The following GARS1 variants were observed in gnomAD, a reference collection of about 807,000 sequenced individuals.
GARS1 encodes glycine--tRNA ligase.
GARS1 carries 46 observed loss-of-function variants against 86.4 expected under a neutral mutation model. The observed-to-expected ratio is 0.53, with a 90% CI of 0.42 to 0.68. The LOEUF (loss-of-function observed/expected upper bound fraction) is 0.68. Ranked by LOEUF, GARS1 falls within the 30% of genes least tolerant of loss-of-function variation. GARS1 has a pLI of 0.00. For missense variants in GARS1, 797 were observed against 915.6 expected, an observed-to-expected ratio of 0.87 and a Z score of 1.67; for synonymous variants, 342 against 329.8, an observed-to-expected ratio of 1.04 and a Z score of -0.40.
At chr7:30,608,368 G>T (rs1791523513) in intron 6 of GARS1, among the ~76,000 whole-genome samples, 1 of 152,112 alleles carries the variant, frequency 6.6e-6, no homozygotes, top group Non-Finnish European at 1.5e-5. Context: ...AATTACCTGG[G>T]AAATAGATGT....
chr7:30,598,273 A>G (rs955321211), intron 1 of GARS1, among the ~76,000 whole-genome samples: 20 of 151,128 alleles, frequency 1.3e-4, no homozygotes, highest in Non-Finnish European at 2.9e-4. Flanking sequence ...GTGAGCAGTT[A>G]TTTGTTAACT....
intron 8 of GARS1, 95 bp downstream of exon 8, chr7:30,612,340 C>T (rs1782776911): frequency 1.8e-6 from 2 of 1,127,688 alleles, no homozygotes; most frequent in Non-Finnish European, 2.7e-6. Context: ...GCTTCATAAT[C>T]CTGATTATGA....
chr7:30,622,137 G>A (rs960593785), intron 11 of GARS1, 180 bp from the exon 12 acceptor site: 2 of 675,010 alleles, frequency 3.0e-6, no homozygotes, highest in Non-Finnish European at 5.2e-6. Flanking sequence ...TTTTGGATGA[G>A]AGTTGTCTGA....
chr7:30,599,907 C>G (rs1308151086), intron 2 of GARS1, 40 bp from the exon 3 acceptor site: 1 of 1,249,668 alleles, frequency 8.0e-7, no homozygotes, highest in South Asian at 1.2e-5. Flanking sequence ...GATTCCCACC[C>G]ACCCCTCCAC....
In GARS1 at chr7:30,632,325, C is replaced by CT; in HGVS notation, c.1983dup (p.Asp662Ter). ...TCAATCGGAAGGCGCTATGCCAGGA[C>CT]TGATGAGATTGGCGTGGCTTTTGGT... On this transcript the variant is annotated frameshift_variant, in exon 16 of 17. Transcript: ENST00000389266. LOFTEE classifies it high-confidence loss of function. This position sits in a 1 kb window ranked among gnomAD's most constrained non-coding sequence, Gnocchi z 4.1. The CT allele has an allele frequency of 6.2e-7, 1 of 1,614,188 alleles. No individual in the cohort carries two copies. Among genetic ancestry groups the CT allele is most frequent in the East Asian group, 2.2e-5 (1 of 44,882 alleles).
intron 12 of GARS1, among the ~76,000 whole-genome samples, chr7:30,623,796 G>A (rs1011018090): frequency 1.3e-5 from 2 of 152,168 alleles, no homozygotes; most frequent in Non-Finnish European, 1.5e-5. Flanking sequence ...AAAAACCAGG[G>A]ATGAAGAGAA....
intron 12 of GARS1, 25 bp from the exon 13 acceptor site, chr7:30,626,209 C>G (rs1783123706): frequency 6.7e-7 from 1 of 1,502,374 alleles, no homozygotes; most frequent in Admixed American, 1.7e-5. Flanking sequence ...TGAACTAATA[C>G]AAAATGTGTT....
intron 12 of GARS1, among the ~76,000 whole-genome samples, chr7:30,623,172 A>G (rs988474359): frequency 8.6e-5 from 13 of 151,776 alleles, no homozygotes; most frequent in African/African-American, 3.1e-4. Flanking sequence ...AGCACTGAAC[A>G]GTGTAAAACT....
chr7:30,603,987 C>A (rs1237374173), intron 6 of GARS1, among the ~76,000 whole-genome samples: 4 of 152,124 alleles, frequency 2.6e-5, no homozygotes, highest in Non-Finnish European at 5.9e-5. Context: ...ATTCTTAGAA[C>A]CTCATGAGCA....
At chr7:30,596,018 TTA>T in intron 1 of GARS1, 3 of 388,362 alleles carry the variant, frequency 7.7e-6, no homozygotes, top group South Asian at 5.9e-5. Context: ...AGTTTAGAAT[TTA>T]GAGATATCAA....
intron 13 of GARS1, 124 bp downstream of exon 13, chr7:30,626,443 T>C (rs1783129383): frequency 4.4e-6 from 3 of 684,658 alleles, no homozygotes; most frequent in East Asian, 5.7e-5. Flanking sequence ...CCTCCCCGGC[T>C]CAAGCGTTCC....
rs1783284502 is a variant in GARS1 at position 30,633,860 on chromosome 7, A to C, written c.2220A>C (p.Ter740CysextTer4). 2.6e-6 allele frequency: 4 copies of C among 1,545,560 alleles called. No homozygotes were observed. The highest frequency in any genetic ancestry group is 1.8e-6 in the Non-Finnish European group (2 of 1,137,820). ...GTAAAAAAGAGACAATCGAGGAATG[A>C]GGACAATTTTGACAACTTTTGACCA... ...ETGKKETIEE[*>C] The change falls in exon 17 of 17, where the codon TGA becomes TGC. Residue 740 changes from the stop codon to cysteine, a stop_lost. Coordinates refer to ENST00000389266, the MANE Select transcript of GARS1 (RefSeq NM_002047.4).
intron 6 of GARS1, among the ~76,000 whole-genome samples, chr7:30,603,794 T>C (rs1033801196): frequency 6.6e-6 from 1 of 152,232 alleles, no homozygotes; most frequent in South Asian, 2.1e-4. Context: ...TCCGTGTTAA[T>C]AGGCATTCAA....
intron 1 of GARS1, among the ~76,000 whole-genome samples, 171 bp from the exon 2 acceptor site, chr7:30,598,625 A>G (rs1791309619): frequency 6.6e-6 from 1 of 152,050 alleles, no homozygotes; most frequent in Non-Finnish European, 1.5e-5. Context: ...CTGATCTCAG[A>G]TGGTGAGGAG....
intron 1 of GARS1, among the ~76,000 whole-genome samples, chr7:30,598,119 C>T (rs754747263): frequency 1.3e-5 from 2 of 151,804 alleles, no homozygotes; most frequent in African/African-American, 4.8e-5. Context: ...TTTTTGTAAG[C>T]GAGAGGAGAG....
At chr7:30,621,622 C>T (rs1783009794) in intron 11 of GARS1, 122 bp downstream of exon 11, 1 of 793,824 alleles carries the variant, frequency 1.3e-6, no homozygotes, top group South Asian at 1.4e-5. Flanking sequence ...TGTAGTAACG[C>T]TTGTTTAAAC....
intron 6 of GARS1, among the ~76,000 whole-genome samples, chr7:30,608,983 C>T (rs1791537989): frequency 2.0e-5 from 3 of 152,130 alleles, no homozygotes; most frequent in Admixed American, 6.5e-5. Context: ...ACTTGAAATT[C>T]TTAAATTGGA....
chr7:30,623,423 T>C (rs1348689956), intron 12 of GARS1, among the ~76,000 whole-genome samples: 2 of 152,126 alleles, frequency 1.3e-5, no homozygotes, highest in Non-Finnish European at 2.9e-5. Flanking sequence ...ATGTTTTTTA[T>C]ATATATAAAC....
chr7:30,633,667 G>T, intron 16 of GARS1, 68 bp from the exon 17 acceptor site: 1 of 1,575,504 alleles, frequency 6.3e-7, no homozygotes, highest in Non-Finnish European at 8.7e-7. Context: ...CCTGAGTTCA[G>T]GATGAATCTT....
Sources: gnomAD v4.1 joint callset for allele counts (sites outside exome capture counted in the v4.1 genomes callset) on GRCh38, gnomAD v4.1.1 for gene constraint, Gnocchi (gnomAD v3.1) non-coding constraint, MANE v1.5 for transcripts, NCBI Gene and HGNC (gene_info 2026-07-23, HGNC 2026-07-21) for gene names.